The following CCDC40 variants were observed in gnomAD, a reference collection of about 807,000 sequenced individuals.
The protein encoded by CCDC40 is coiled-coil domain 40 molecular ruler complex subunit.
CCDC40 carries 104 observed loss-of-function variants against 124.5 expected under a neutral mutation model. The observed-to-expected ratio is 0.84, with a 90% confidence interval of 0.71 to 0.98. CCDC40 has a LOEUF of 0.98. Among genes scored for constraint, CCDC40 ranks in the 50% least tolerant of loss-of-function variants. The pLI is 0.00. For missense variants in CCDC40, 1,463 were observed against 1,503.9 expected (o/e 0.97, Z 0.45); for synonymous variants, 580 against 602.9 (o/e 0.96, Z 0.56).
intron 10 of CCDC40, among the ~76,000 whole-genome samples, chr17:80,078,573 A>G (rs1170791028): frequency 6.6e-6 from 1 of 152,124 alleles, no homozygotes; most frequent in Non-Finnish European, 1.5e-5. Flanking sequence ...CACCTTTGTC[A>G]AAGATCAATG....
At position 80,081,576 on chromosome 17, in the gene CCDC40, C is replaced by T. The variant is rs746661400; in HGVS notation, c.1593C>T (p.Asp531=). 28 of 1,613,682 alleles carry T rather than the reference C, an allele frequency of 1.7e-5. No homozygotes were observed. The highest frequency in any genetic ancestry group is 3.3e-5 in the Admixed American group (2 of 59,994). Residue 531 remains aspartate, a synonymous_variant, in exon 11 of 20, where the codon GAC becomes GAT. Coordinates refer to ENST00000397545, the MANE Select transcript of CCDC40 (RefSeq NM_017950.4). The part of the protein sequence containing the change: ...RGCQHQAKST[D]GEIEAYKKSI... Reference sequence around the variant, plus strand: ...GCCAGCATCAAGCCAAATCCACCGACGGCGAGATTGAGGCCTATAAGAAAT... The same window carrying T: ...GCCAGCATCAAGCCAAATCCACCGATGGCGAGATTGAGGCCTATAAGAAAT...
chr17:80,040,407 G>A (rs910967581), intron 3 of CCDC40, 137 bp downstream of exon 3: 33 of 903,204 alleles, frequency 3.7e-5, no homozygotes, highest in African/African-American at 1.5e-4. Context: ...GGCTGGGTGC[G>A]GTGGCTCACG....
chr17:80,050,034 C>G, intron 6 of CCDC40, 30 bp from the exon 7 acceptor site: 2 of 1,613,710 alleles, frequency 1.2e-6, no homozygotes, highest in Non-Finnish European at 1.7e-6. Context: ...TGCCTGCGTC[C>G]TGGTGACCCT....
At chr17:80,045,174 G>A (rs2037391289) in intron 3 of CCDC40, among the ~76,000 whole-genome samples, 1 of 152,182 alleles carries the variant, frequency 6.6e-6, no homozygotes, top group Non-Finnish European at 1.5e-5. Context: ...AACATACCTG[G>A]GGCTGCCCGT....
Position 80,065,512 on chromosome 17 carries a change from G to C in CCDC40, c.1468G>C (p.Val490Leu), listed in dbSNP as rs200902099. ...EACTEIDAISVEKRRIMQQWA... is the reference protein window; with the variant it reads ...EACTEIDAISLEKRRIMQQWA... ...CTGCACCGAGATCGACGCCATCAGCGTGGAGAAGAGGCGCATCATGCAGCA... is the reference window on the plus strand; with the variant it reads ...CTGCACCGAGATCGACGCCATCAGCCTGGAGAAGAGGCGCATCATGCAGCA... The change falls in exon 10 of 20, where the codon GTG becomes CTG. Residue 490 changes from valine to leucine, a missense_variant. Val to Leu is a conservative substitution (Grantham distance 32). Transcript: ENST00000397545. 1 of 1,613,108 alleles carries C rather than the reference G, an allele frequency of 6.2e-7. No homozygotes were observed. The highest frequency in any genetic ancestry group is 1.1e-5 in the South Asian group (1 of 91,078).
At chr17:80,091,342 C>CACACACAGAG (rs1555594249) in intron 17 of CCDC40, among the ~76,000 whole-genome samples, 48 of 145,028 alleles carry the variant, frequency 3.3e-4, no homozygotes, top group African/African-American at 1.2e-3. Context: ...CACACACACA[C>CACACACAGAG]AGAGAGAGAG....
intron 10 of CCDC40, chr17:80,067,788 C>A (rs1026392946): frequency 4.1e-6 from 6 of 1,457,298 alleles, no homozygotes; most frequent in Non-Finnish European, 5.4e-6. Flanking sequence ...ACGCCCCCGG[C>A]AGCGGTGTTT....
At chr17:80,095,660 C>T (rs1022946088) in intron 18 of CCDC40, among the ~76,000 whole-genome samples, 1 of 152,014 alleles carries the variant, frequency 6.6e-6, no homozygotes, top group African/African-American at 2.4e-5. Flanking sequence ...CTGCTGGGTT[C>T]GGGGTCAGGG....
chr17:80,088,189 G>C lies in CCDC40; in HGVS notation c.2711+87G>C, dbSNP rs2038630440. ...CCGTTGAAGACCATGTAGGAGGCCA[G>C]GTGTGGCAGCTCACACCCATATCCC... On this transcript the variant is annotated intron_variant, in intron 16 of 19. Coordinates refer to ENST00000397545, the MANE Select transcript of CCDC40 (RefSeq NM_017950.4). 4 of 860,450 alleles carry C rather than the reference G, an allele frequency of 4.6e-6. No individual in the cohort carries two copies. The African/African-American group carries it at 5.0e-5, about 11-fold the overall frequency. The allele number at this position is 860,450 out of a possible 1,614,324, so 53.3% of individuals were successfully genotyped here. A position where few individuals can be genotyped will look rare whatever the true frequency, so the allele number is the denominator to read the frequency against.
chr17:80,055,547 C>A (rs2037714046), intron 7 of CCDC40, among the ~76,000 whole-genome samples: 1 of 151,988 alleles, frequency 6.6e-6, no homozygotes. Flanking sequence ...AAATGGAGTG[C>A]CCACGTTACC....
chr17:80,048,793 C>A, intron 5 of CCDC40, 32 bp downstream of exon 5: 2 of 1,571,908 alleles, frequency 1.3e-6, no homozygotes, highest in East Asian at 2.3e-5. Context: ...TTGCTTTTGC[C>A]TACATGGATG....
intron 9 of CCDC40, among the ~76,000 whole-genome samples, chr17:80,063,804 C>T (rs9319622): frequency 0.077 from 11,780 of 152,220 alleles, 1,469 homozygotes; most frequent in African/African-American, 0.26. Context: ...CTGGCCCAGT[C>T]AACAATAATT....
rs558574170 is a variant in CCDC40, at chr17:80,036,698, C to A, written c.29+7C>A. ...CGGGCGGCGCGGCGGGCCGGTAAGC[C>A]GGGCCGAGGGGCAGCGGGTCTTGGA... On this transcript the variant is annotated splice_region_variant and intron_variant, in intron 1 of 19. Transcript: ENST00000397545. 6.8e-7 allele frequency: 1 copy of A among 1,463,150 alleles called. No individual in the cohort carries two copies. Among genetic ancestry groups the A allele is most frequent in the Non-Finnish European group, 9.0e-7 (1 of 1,108,774 alleles). 90.6% of individuals were successfully genotyped at this position (1,463,150 alleles called of 1,614,324 possible).
intron 16 of CCDC40, 35 bp from the exon 17 acceptor site, chr17:80,089,729 C>A: frequency 3.7e-6 from 6 of 1,613,540 alleles, no homozygotes; most frequent in South Asian, 1.1e-5. Flanking sequence ...GAAGAAAACT[C>A]CTAATTTCTT....
At chr17:80,085,025 A>G in intron 13 of CCDC40, 37 bp downstream of exon 13, 1 of 1,609,776 alleles carries the variant, frequency 6.2e-7, no homozygotes, top group Non-Finnish European at 8.5e-7. Context: ...TCCCCGGCTG[A>G]CTGTGGTGCC....
At chr17:80,082,549 A>G (rs1917334117) in intron 12 of CCDC40, among the ~76,000 whole-genome samples, 1 of 151,996 alleles carries the variant, frequency 6.6e-6, no homozygotes, top group Non-Finnish European at 1.5e-5. Flanking sequence ...CACAGGCTCC[A>G]CCATTTCCAG....
At chr17:80,059,065 C>A in intron 9 of CCDC40, 85 bp downstream of exon 9, 2 of 1,533,250 alleles carry the variant, frequency 1.3e-6, no homozygotes, top group Non-Finnish European at 1.8e-6. Flanking sequence ...CTAGACTGCA[C>A]CTGCCCGTCT....
In CCDC40 at chr17:80,090,213, G is replaced by A. The variant is rs1170174095; in HGVS notation, c.2832+329G>A. On this transcript the variant is annotated intron_variant, in intron 17 of 19. Transcript: ENST00000397545. Reference sequence around the variant, plus strand: ...ACGGGACGCACGCAGGCACGTGCACGAAGAACACGGGACGCGCGCAGGCAC... The same window carrying A: ...ACGGGACGCACGCAGGCACGTGCACAAAGAACACGGGACGCGCGCAGGCAC... 8.1e-5 allele frequency: 62 copies of A among 765,770 alleles called. 7 individuals carry two copies. The highest frequency in any genetic ancestry group is 5.4e-4 in the Middle Eastern group (2 of 3,730). 47.4% of individuals were successfully genotyped at this position (765,770 alleles called of 1,614,324 possible).
chr17:80,078,116 G>A (rs988409717), intron 10 of CCDC40, among the ~76,000 whole-genome samples: 4 of 152,034 alleles, frequency 2.6e-5, no homozygotes, highest in African/African-American at 7.2e-5. Context: ...CGGATCACGA[G>A]GTCAGGAGAT....
Sources: allele counts gnomAD v4.1 joint callset (sites outside exome capture counted in the v4.1 genomes callset), GRCh38; gene constraint gnomAD v4.1.1; transcripts MANE v1.5; gene names NCBI Gene and HGNC (gene_info 2026-07-23, HGNC 2026-07-21).